The following VPS13B variants were observed in gnomAD, a reference collection of about 807,000 sequenced individuals.
VPS13B encodes the protein intermembrane lipid transfer protein VPS13B.
VPS13B carries 285 observed loss-of-function variants against 426.4 expected under a neutral mutation model. That is an observed-to-expected ratio of 0.67 (90% CI 0.61 to 0.74). The LOEUF (loss-of-function observed/expected upper bound fraction) is 0.74, where lower values mean the gene tolerates loss of function less well. Among genes scored for constraint, VPS13B ranks in the 30% least tolerant of loss-of-function variants. VPS13B has a pLI of 0.00. For missense variants in VPS13B, 4,537 were observed against 4,782.6 expected (o/e 0.95, Z 1.51); for synonymous variants, 1,676 against 1,676.4 (o/e 1.00, Z 0.01).
At chr8:99,620,805 C>T (rs1828312581) in intron 33 of VPS13B, among the ~76,000 whole-genome samples, 1 of 150,334 alleles carries the variant, frequency 6.7e-6, no homozygotes, top group South Asian at 2.1e-4. Context: ...AACCCTGTCT[C>T]TACTAAAAAA....
intron 16 of VPS13B, among the ~76,000 whole-genome samples, chr8:99,180,728 T>C (rs903282519): frequency 6.6e-6 from 1 of 152,116 alleles, no homozygotes; most frequent in Non-Finnish European, 1.5e-5. Context: ...GAAGGACAGA[T>C]AGAAGTCAAG....
chr8:99,875,564 T>C lies in VPS13B; in HGVS notation c.11892T>C (p.Thr3964=). ...PVVAAEPPPS[T]VKTYHYLVDP... Reference sequence around the variant, plus strand: ...TGGCTGCAGAACCTCCCCCCTCCACTGTTAAAACATACCATTACCTGGTTG... The same window carrying C: ...TGGCTGCAGAACCTCCCCCCTCCACCGTTAAAACATACCATTACCTGGTTG... The change falls in exon 62 of 62, where the codon ACT becomes ACC. Residue 3964 remains threonine (T), a synonymous_variant. Coordinates refer to ENST00000357162, the MANE Select transcript of VPS13B (RefSeq NM_152564.5). 6.2e-7 allele frequency: 1 copy of C among 1,614,206 alleles called. No homozygotes were observed. The highest frequency in any genetic ancestry group is 1.3e-5 in the African/African-American group (1 of 75,046).
chr8:99,087,122 C>A (rs1845859092), intron 3 of VPS13B, among the ~76,000 whole-genome samples: 1 of 152,178 alleles, frequency 6.6e-6, no homozygotes, highest in South Asian at 2.1e-4. Flanking sequence ...AGCTTCCAGG[C>A]CGCTTTGTTT....
chr8:99,069,625 G>A (rs956002453), intron 3 of VPS13B, among the ~76,000 whole-genome samples: 8 of 152,130 alleles, frequency 5.3e-5, no homozygotes, highest in African/African-American at 1.9e-4. Flanking sequence ...TTCACAGTAG[G>A]TTGATCTGAG....
intron 35 of VPS13B, among the ~76,000 whole-genome samples, chr8:99,683,179 A>C (rs183867577): frequency 6.6e-6 from 1 of 152,050 alleles, no homozygotes; most frequent in African/African-American, 2.4e-5. Context: ...TTTGGACCCT[A>C]TTTCTGGACT....
At chr8:99,547,103 T>C (rs915699348) in intron 30 of VPS13B, among the ~76,000 whole-genome samples, 6 of 151,994 alleles carry the variant, frequency 3.9e-5, no homozygotes, top group Admixed American at 6.6e-5. Flanking sequence ...CAGAATGTGG[T>C]TTTGAGAATC....
At chr8:99,081,773 C>T (rs1178294174) in intron 3 of VPS13B, among the ~76,000 whole-genome samples, 5 of 151,950 alleles carry the variant, frequency 3.3e-5, no homozygotes, top group Admixed American at 3.3e-4. Flanking sequence ...CATCCATGTC[C>T]CTACAAAGGA....
chr8:99,273,118 C>T (rs532270960), intron 17 of VPS13B, among the ~76,000 whole-genome samples: 1 of 151,354 alleles, frequency 6.6e-6, no homozygotes, highest in Non-Finnish European at 1.5e-5. Flanking sequence ...TTCCTCATTT[C>T]ACCTGACCAA....
intron 19 of VPS13B, among the ~76,000 whole-genome samples, chr8:99,299,523 T>G (rs1329894143): frequency 6.6e-6 from 1 of 152,206 alleles, no homozygotes; most frequent in East Asian, 1.9e-4. Flanking sequence ...GCAGATTAAC[T>G]CCACATTTAA....
At chr8:99,855,298 C>T (rs1816491042) in intron 56 of VPS13B, among the ~76,000 whole-genome samples, 1 of 152,158 alleles carries the variant, frequency 6.6e-6, no homozygotes, top group Non-Finnish European at 1.5e-5. Context: ...GGGAGGATTG[C>T]TCGAGCCCAG....
chr8:99,504,466 T>G (rs1371788909), intron 27 of VPS13B, among the ~76,000 whole-genome samples: 1 of 152,232 alleles, frequency 6.6e-6, no homozygotes, highest in African/African-American at 2.4e-5. Context: ...ATCCATGAGC[T>G]GAAGAGTGGA....
chr8:99,538,776 G>A (rs1823396985), intron 30 of VPS13B, among the ~76,000 whole-genome samples: 1 of 152,118 alleles, frequency 6.6e-6, no homozygotes, highest in African/African-American at 2.4e-5. Context: ...AGAATAACTT[G>A]TGAACACCTA....
At chr8:99,415,486 A>G (rs1024852566) in intron 21 of VPS13B, among the ~76,000 whole-genome samples, 3 of 152,008 alleles carry the variant, frequency 2.0e-5, no homozygotes, top group Non-Finnish European at 2.9e-5. Context: ...TTTGGATAAG[A>G]GGCATTCTGG....
intron 25 of VPS13B, among the ~76,000 whole-genome samples, chr8:99,492,596 G>T (rs566558288): frequency 6.6e-6 from 1 of 152,304 alleles, no homozygotes; most frequent in East Asian, 1.9e-4. Context: ...CTCCCCGCCA[G>T]GCTCCTGCCT....
intron 21 of VPS13B, among the ~76,000 whole-genome samples, chr8:99,407,250 A>T (rs1815382267): frequency 6.6e-6 from 1 of 152,198 alleles, no homozygotes; most frequent in Non-Finnish European, 1.5e-5. Context: ...CTGAAACTAA[A>T]AATTGACTTT....
At chr8:99,866,697 C>G (rs539595131) in intron 58 of VPS13B, among the ~76,000 whole-genome samples, 1 of 152,374 alleles carries the variant, frequency 6.6e-6, no homozygotes, top group East Asian at 1.9e-4. Flanking sequence ...GGCCCAGGCC[C>G]CACTCTTTGA....
intron 17 of VPS13B, among the ~76,000 whole-genome samples, chr8:99,204,982 T>G (rs1391499799): frequency 6.6e-6 from 1 of 152,250 alleles, no homozygotes; most frequent in Non-Finnish European, 1.5e-5. Context: ...AAATACCATT[T>G]GACCCAGCCA....
chr8:99,233,955 T>G (rs1588160915), intron 17 of VPS13B: 1 of 791,854 alleles, frequency 1.3e-6, no homozygotes, highest in Non-Finnish European at 2.3e-6. Context: ...TTCTCTTTTC[T>G]ATGGATGTCT....
chr8:99,828,392 CCGTTTTTTTTTT>C lies in VPS13B; in HGVS notation c.9331-3976_9331-3965del, dbSNP rs1440299226. Among the ~76,000 whole-genome samples, 65 of 47,626 alleles carry C rather than the reference CCGTTTTTTTTTT, an allele frequency of 1.4e-3. 6 individuals carry two copies. The highest frequency in any genetic ancestry group is 3.1e-3 in the Admixed American group (13 of 4,204). 31.2% of individuals were successfully genotyped at this position (47,626 alleles called of 152,430 possible). On this transcript the variant is annotated intron_variant, in intron 51 of 61. Coordinates refer to ENST00000357162, the MANE Select transcript of VPS13B (RefSeq NM_152564.5). ...TTATCAGAGACTAGGATTACAACCA[CCGTTTTTTTTTT>C]TTTTTTTTTTTTTTTTTTTTTTTTT...
Sources: allele counts gnomAD v4.1 joint callset (sites outside exome capture counted in the v4.1 genomes callset), GRCh38; gene constraint gnomAD v4.1.1; transcripts MANE v1.5; gene names NCBI Gene and HGNC (gene_info 2026-07-23, HGNC 2026-07-21).